The following DMAC2 variants were observed in gnomAD, a reference collection of about 807,000 sequenced individuals.
DMAC2 encodes the protein distal membrane-arm assembly complex protein 2.
A neutral mutation model predicts 29.6 loss-of-function variants in DMAC2; 32 were observed. The ratio of observed to expected loss-of-function variants is 1.08; its 90% CI spans 0.81 to 1.45. The LOEUF is 1.45. Ranked by LOEUF, DMAC2 falls within the 40% of genes most tolerant of loss-of-function variation. DMAC2 has a pLI of 0.00. For synonymous variants in DMAC2, 133 were observed against 137.4 expected (o/e 0.97, Z 0.23); for missense variants, 319 against 340.0 (o/e 0.94, Z 0.49).
At position 41,436,388 on chromosome 19, in the gene DMAC2, A is replaced by G. The variant is rs374163857; in HGVS notation, c.296+4T>C. On this transcript the variant is annotated splice_donor_region_variant and intron_variant, in intron 3 of 5. Transcript: ENST00000221943. ...AGCCCGTTCTAACACCTTAGCGGTC[A>G]TACTTGACTGCGCCTCCCTGCTTCA... 6.2e-7 allele frequency: 1 copy of G among 1,613,908 alleles called. No individual in the cohort carries two copies. Among genetic ancestry groups the G allele is most frequent in the Non-Finnish European group, 8.5e-7 (1 of 1,179,892 alleles).
At position 41,438,304 on chromosome 19, in the gene DMAC2, C is replaced by A. The variant is rs368249309; in HGVS notation, c.129G>T (p.Gln43His). 1.2e-6 allele frequency: 2 copies of A among 1,614,136 alleles called. No individual in the cohort carries two copies. Among genetic ancestry groups the A allele is most frequent in the African/African-American group, 1.3e-5 (1 of 74,942 alleles). Residue 43 changes from glutamine (Q) to histidine (H), a missense_variant, in exon 2 of 6, where the codon CAG (glutamine) becomes CAT (histidine). Gln to His is a conservative substitution (Grantham distance 24). Transcript: ENST00000221943. ...GNQKKKRTIL[Q>H]FLTNYFYDVE... ...CATCGTAGAAATAGTTGGTCAGGAA[C>A]TGGAGTATTGTCCTTTTCTTCTTCT...
At chr19:41,433,862 C>A (rs2039715146) in intron 3 of DMAC2, among the ~76,000 whole-genome samples, 189 bp from the exon 4 acceptor site, 1 of 152,208 alleles carries the variant, frequency 6.6e-6, no homozygotes, top group African/African-American at 2.4e-5. Context: ...CTTTGGGAGG[C>A]TGAGGCAGGA....
In DMAC2 at chr19:41,436,463, G is replaced by C. The variant is rs782291093; in HGVS notation, c.225C>G (p.Thr75=). ...ATGGACCATGTTGCTTCTCCAGCCA[G>C]GTGTAAGATCTGCAGAGAAAATGGT... ...YKVHEKNRSY[T]WLEKQHGPYG... is the part of the protein sequence containing the mutation. The change falls in exon 3 of 6, where the codon ACC becomes ACG. Residue 75 remains threonine (T), a synonymous_variant. Coordinates refer to ENST00000221943, the MANE Select transcript of DMAC2 (RefSeq NM_018035.3). 2.5e-5 allele frequency: 40 copies of C among 1,614,002 alleles called. No individual in the cohort carries two copies. The highest frequency in any genetic ancestry group is 3.3e-5 in the Non-Finnish European group (39 of 1,180,016).
chr19:41,431,535 G>C lies in DMAC2; in HGVS notation c.*696C>G. On this transcript the variant is annotated 3_prime_UTR_variant, in exon 6 of 6. Coordinates refer to ENST00000221943, the MANE Select transcript of DMAC2 (RefSeq NM_018035.3). The stretch of plus-strand genomic sequence containing the variant: ...GCCAAGGGCAGCTGCTGACCGCCTG[G>C]TGCTTCAGGAGCTGGGTGCTGGGGA... The C allele has an allele frequency of 5.7e-6, 2 of 349,298 alleles. No homozygotes were observed. The highest frequency in any genetic ancestry group is 4.4e-5 in the South Asian group (2 of 45,266). 21.6% of individuals were successfully genotyped at this position (349,298 alleles called of 1,614,324 possible).
intron 1 of DMAC2, 169 bp downstream of exon 1, chr19:41,439,713 T>G (rs1341547482): frequency 9.0e-6 from 12 of 1,332,140 alleles, no homozygotes; most frequent in Non-Finnish European, 1.3e-5. Context: ...CCCTCACAGA[T>G]CCTTCCTGGC....
chr19:41,433,262 G>T lies in DMAC2; in HGVS notation c.596+10C>A. 1 of 1,603,978 alleles carries T rather than the reference G, an allele frequency of 6.2e-7. No homozygotes were observed. ...CTGGGCATGTGGCCCAGCCTGAGCT[G>T]AGGTCTCACTGGAGGTGGTGGAGGC... On this transcript the variant is annotated intron_variant, in intron 5 of 5. Transcript: ENST00000221943.
At position 41,431,406 on chromosome 19, in the gene DMAC2, G is replaced by A; in HGVS notation, c.*825C>T. On this transcript the variant is annotated 3_prime_UTR_variant, in exon 6 of 6. Coordinates refer to ENST00000221943, the MANE Select transcript of DMAC2 (RefSeq NM_018035.3). ...AGGGCTTCACTGGTAAAATGCTTCT[G>A]AATTGACTGGAAATCCATTTGGGGT... 1 of 468,706 alleles carries A rather than the reference G, an allele frequency of 2.1e-6. No homozygotes were observed. The allele number at this position is 468,706 out of a possible 1,614,324, so 29.0% of individuals were successfully genotyped here.
intron 5 of DMAC2, chr19:41,432,727 GT>G: frequency 2.4e-6 from 1 of 421,272 alleles, no homozygotes; most frequent in Non-Finnish European, 4.3e-6. Flanking sequence ...GTGTGTGTGT[GT>G]GTAGGGAGGT....
intron 1 of DMAC2, chr19:41,439,539 T>C: frequency 6.5e-7 from 1 of 1,536,950 alleles, no homozygotes. Context: ...AGCTCTCTTA[T>C]CCTACAGGCC....
chr19:41,439,510 C>T (rs1379244939), intron 1 of DMAC2: 1 of 1,537,190 alleles, frequency 6.5e-7, no homozygotes, highest in Admixed American at 2.0e-5. Flanking sequence ...AATCCCACAT[C>T]CTCGAACAAT....
chr19:41,439,486 G>C, intron 1 of DMAC2: 1 of 1,536,676 alleles, frequency 6.5e-7, no homozygotes, highest in Non-Finnish European at 8.7e-7. Context: ...TCATCCTTCG[G>C]TCTTCTAAGA....
intron 1 of DMAC2, 43 bp from the exon 2 acceptor site, chr19:41,438,457 G>A (rs1555771947): frequency 6.5e-7 from 1 of 1,529,038 alleles, no homozygotes; most frequent in East Asian, 2.3e-5. Flanking sequence ...GGAGCCTCCT[G>A]GGAGACACAG....
chr19:41,431,622 G>A lies in DMAC2; in HGVS notation c.*609C>T, dbSNP rs1415038645. ...AACCAACAAGAACCACGAAGGAGGCGCCTTTCCTCCTATAATGCCTGTTTG... is the reference window on the plus strand; with the variant it reads ...AACCAACAAGAACCACGAAGGAGGCACCTTTCCTCCTATAATGCCTGTTTG... On this transcript the variant is annotated 3_prime_UTR_variant, in exon 6 of 6. Transcript: ENST00000221943. 2.1e-5 allele frequency: 6 copies of A among 285,560 alleles called. No individual in the cohort carries two copies. Among genetic ancestry groups the A allele is most frequent in the South Asian group, 1.6e-4 (5 of 30,594 alleles). 17.7% of individuals were successfully genotyped at this position (285,560 alleles called of 1,614,324 possible). A position where few individuals can be genotyped will look rare whatever the true frequency, so the allele number is the denominator to read the frequency against.
In DMAC2 at chr19:41,439,887, A is replaced by G. The variant is rs782444675; in HGVS notation, c.13T>C (p.Trp5Arg). 70 of 1,614,058 alleles carry G rather than the reference A, an allele frequency of 4.3e-5. No homozygotes were observed. Among genetic ancestry groups the G allele is most frequent in the Admixed American group, 2.3e-4 (14 of 60,002 alleles). The part of the protein sequence containing the change: MAAP[W>R]ASLRLVAPMW... ...TAGGAACTCCGGTCACTTACCGCCC[A>G]GGGAGCCGCCATCTTGCTAAGGTTT... is the stretch of plus-strand genomic sequence containing the variant. Residue 5 changes from tryptophan (W) to arginine (R), a missense_variant, in exon 1 of 6, where the codon TGG becomes CGG. Coordinates refer to ENST00000221943, the MANE Select transcript of DMAC2 (RefSeq NM_018035.3).
chr19:41,439,677 C>G, intron 1 of DMAC2: 1 of 1,324,426 alleles, frequency 7.6e-7, no homozygotes, highest in Admixed American at 2.1e-5. Flanking sequence ...TCCTCTCGCT[C>G]GCTAAAGCGT....
Position 41,431,802 on chromosome 19 carries a change from A to G in DMAC2, c.*429T>C, listed in dbSNP as rs1555768857. ...AGTGGAGTGGGGCGAAGGATGCTGC[A>G]TGTCCTGCAGTGGGCACAGCGGCCC... On this transcript the variant is annotated 3_prime_UTR_variant, in exon 6 of 6. Transcript: ENST00000221943. 4.2e-6 allele frequency: 1 copy of G among 238,372 alleles called. No homozygotes were observed. The highest frequency in any genetic ancestry group is 2.3e-5 in the African/African-American group (1 of 43,872). The allele number at this position is 238,372 out of a possible 1,614,324, so 14.8% of individuals were successfully genotyped here.
At chr19:41,434,647 CAAAGGAAAGAG>C (rs1191647176) in intron 3 of DMAC2, among the ~76,000 whole-genome samples, 1 of 151,570 alleles carries the variant, frequency 6.6e-6, no homozygotes. Context: ...AGAAAAAAAG[CAAAGGAAAGAG>C]AAAGGGAAGG....
In DMAC2 at chr19:41,438,374, C is replaced by G. The variant is rs782307064; in HGVS notation, c.59G>C (p.Arg20Thr). 55 of 1,614,078 alleles carry G rather than the reference C, an allele frequency of 3.4e-5. No homozygotes were observed. Among genetic ancestry groups the G allele is most frequent in the Non-Finnish European group, 4.4e-5 (52 of 1,180,034 alleles). Residue 20 changes from arginine to threonine, a missense_variant, in exon 2 of 6, where the codon AGG (arginine) becomes ACG (threonine). Arg to Thr is a moderately conservative substitution (Grantham distance 71, BLOSUM62 -1). Transcript: ENST00000221943. Reference sequence around the variant, plus strand: ...TGCCGCACCCAGGCGATGGATGCCCCTGATACGCCCATTCCACATGGGGGC... The same window carrying G: ...TGCCGCACCCAGGCGATGGATGCCCGTGATACGCCCATTCCACATGGGGGC... Reference protein sequence around the residue: ...LVAPMWNGRIRGIHRLGAAVA... With the variant: ...LVAPMWNGRITGIHRLGAAVA...
chr19:41,439,853 T>C (rs368565685), intron 1 of DMAC2, 29 bp downstream of exon 1: 6 of 1,613,954 alleles, frequency 3.7e-6, no homozygotes, highest in South Asian at 2.2e-5. Flanking sequence ...GACTTCAAAT[T>C]TGGGGCTCTA....
Sources: gnomAD v4.1 joint callset for allele counts (sites outside exome capture counted in the v4.1 genomes callset) on GRCh38, gnomAD v4.1.1 for gene constraint, MANE v1.5 for transcripts, NCBI Gene and HGNC (gene_info 2026-07-23, HGNC 2026-07-21) for gene names.